Variants in ALCAM observed in about 807,000 individuals in gnomAD.
ALCAM encodes the protein CD166 antigen.
In ALCAM, 30 loss-of-function variants were observed where a neutral mutation model predicts 70.9. The observed-to-expected ratio is 0.42, with a 90% CI of 0.32 to 0.57. The LOEUF is 0.57. Among genes scored for constraint, ALCAM ranks in the 20% least tolerant of loss-of-function variants. The probability of loss-of-function intolerance (pLI) is 0.11; values close to 1 mark genes in which losing one functional copy is unlikely to be tolerated. For missense variants in ALCAM, 591 were observed against 695.1 expected, an observed-to-expected ratio of 0.85 and a Z score of 1.68; for synonymous variants, 249 against 242.5, an observed-to-expected ratio of 1.03 and a Z score of -0.25.
intron 1 of ALCAM, among the ~76,000 whole-genome samples, chr3:105,451,641 G>A (rs1937431449): frequency 6.6e-6 from 1 of 152,070 alleles, no homozygotes; most frequent in African/African-American, 2.4e-5. Flanking sequence ...AATGCTAAGA[G>A]GTTCAATTTG....
At chr3:105,425,826 T>C (rs1936776672) in intron 1 of ALCAM, among the ~76,000 whole-genome samples, 1 of 151,506 alleles carries the variant, frequency 6.6e-6, no homozygotes, top group Non-Finnish European at 1.5e-5. Flanking sequence ...CACATGATCA[T>C]TAAAAGGGCA....
intron 9 of ALCAM, 95 bp downstream of exon 9, chr3:105,545,430 G>T (rs746309961): frequency 2.5e-6 from 2 of 808,936 alleles, no homozygotes; most frequent in Non-Finnish European, 2.1e-6. Flanking sequence ...GTATATTCAT[G>T]GATGTGTTTA....
chr3:105,532,217 A>G, intron 4 of ALCAM, 151 bp downstream of exon 4: 1 of 677,870 alleles, frequency 1.5e-6, no homozygotes, highest in East Asian at 2.7e-5. Flanking sequence ...CAAGGCACAG[A>G]GGGTACAACA....
chr3:105,414,449 T>C (rs1423844826), intron 1 of ALCAM, among the ~76,000 whole-genome samples: 2 of 151,732 alleles, frequency 1.3e-5, no homozygotes, highest in African/African-American at 4.8e-5. Context: ...TACTGTGAGA[T>C]AGAATAGGAA....
In ALCAM at chr3:105,547,299, G is replaced by A. The variant is rs1576234992; in HGVS notation, c.1240+15G>A. 6.3e-7 allele frequency: 1 copy of A among 1,582,878 alleles called. No homozygotes were observed. The highest frequency in any genetic ancestry group is 8.6e-7 in the Non-Finnish European group (1 of 1,166,428). Reference sequence around the variant, plus strand: ...CATTGTAGAAGGTAATAAAATACTTGGGCACTAATTCAAATTGTTCTTTGA... The same window carrying A: ...CATTGTAGAAGGTAATAAAATACTTAGGCACTAATTCAAATTGTTCTTTGA... On this transcript the variant is annotated intron_variant, in intron 10 of 15. Coordinates refer to ENST00000306107, the MANE Select transcript of ALCAM (RefSeq NM_001627.4).
chr3:105,445,585 C>T (rs937602059), intron 1 of ALCAM, among the ~76,000 whole-genome samples: 4 of 152,102 alleles, frequency 2.6e-5, no homozygotes, highest in Non-Finnish European at 5.9e-5. Context: ...AAATACACTA[C>T]AAAGCTAATA....
At chr3:105,457,864 C>T (rs1937554256) in intron 1 of ALCAM, among the ~76,000 whole-genome samples, 1 of 152,132 alleles carries the variant, frequency 6.6e-6, no homozygotes, top group South Asian at 2.1e-4. Context: ...TGTCCTTCCA[C>T]CACTCTCCAC....
intron 1 of ALCAM, among the ~76,000 whole-genome samples, chr3:105,461,511 G>A (rs934064582): frequency 3.3e-5 from 5 of 151,744 alleles, no homozygotes; most frequent in Non-Finnish European, 7.4e-5. Context: ...AAGTGTCAAT[G>A]GATAAACTTG....
At position 105,571,789 on chromosome 3, in the gene ALCAM, A is replaced by C. The variant is rs1576248853; in HGVS notation, c.1665-63A>C. On this transcript the variant is annotated intron_variant, in intron 14 of 15. Coordinates refer to ENST00000306107, the MANE Select transcript of ALCAM (RefSeq NM_001627.4). ...AAGACACATTAATTCAAATCTTAAA[A>C]TTAAATATAAAAGTTGAACATGTAT... is the stretch of plus-strand genomic sequence containing the variant. 4 of 1,238,144 alleles carry C rather than the reference A, an allele frequency of 3.2e-6. No individual in the cohort carries two copies. In the East Asian group the frequency reaches 9.6e-5, roughly 30 times the overall value. 76.7% of individuals were successfully genotyped at this position (1,238,144 alleles called of 1,614,324 possible).
intron 1 of ALCAM, among the ~76,000 whole-genome samples, chr3:105,433,409 C>A (rs1936981865): frequency 6.6e-6 from 1 of 152,162 alleles, no homozygotes; most frequent in Non-Finnish European, 1.5e-5. Context: ...TCACTAAATT[C>A]TTCCTTTACT....
At chr3:105,561,934 A>C (rs1340488792) in intron 14 of ALCAM, among the ~76,000 whole-genome samples, 1 of 152,172 alleles carries the variant, frequency 6.6e-6, no homozygotes, top group African/African-American at 2.4e-5. Context: ...GGCTCACCCA[A>C]ACTTTAGTGT....
At chr3:105,404,269 T>C (rs1435959469) in intron 1 of ALCAM, among the ~76,000 whole-genome samples, 2 of 152,100 alleles carry the variant, frequency 1.3e-5, no homozygotes, top group African/African-American at 4.8e-5. Flanking sequence ...AAAAGATCAT[T>C]GACTAGGCAT....
At chr3:105,417,245 A>G (rs1352552349) in intron 1 of ALCAM, among the ~76,000 whole-genome samples, 1 of 151,672 alleles carries the variant, frequency 6.6e-6, no homozygotes, top group Non-Finnish European at 1.5e-5. Context: ...AGCTTTCCTG[A>G]TATCTTTCCA....
At chr3:105,530,528 GT>G (rs1939813471) in intron 3 of ALCAM, among the ~76,000 whole-genome samples, 1 of 151,752 alleles carries the variant, frequency 6.6e-6, no homozygotes, top group Non-Finnish European at 1.5e-5. Context: ...AATTTTCTCT[GT>G]TGTGTCTTCC....
intron 1 of ALCAM, among the ~76,000 whole-genome samples, chr3:105,452,056 C>T (rs948166500): frequency 1.3e-5 from 2 of 151,980 alleles, no homozygotes; most frequent in Admixed American, 6.6e-5. Context: ...AGCAAGATTT[C>T]TCCCTTCCAG....
intron 1 of ALCAM, among the ~76,000 whole-genome samples, chr3:105,413,435 C>T (rs991552002): frequency 2.0e-5 from 3 of 152,080 alleles, no homozygotes. Context: ...CTTCTCTCTA[C>T]ACATTTGCAC....
intron 1 of ALCAM, among the ~76,000 whole-genome samples, chr3:105,472,678 C>G (rs541742314): frequency 6.6e-6 from 1 of 151,498 alleles, no homozygotes; most frequent in Admixed American, 6.6e-5. Flanking sequence ...AGGCAAGGAA[C>G]ATTCTTGTAC....
chr3:105,518,511 T>C (rs775938755), intron 1 of ALCAM, among the ~76,000 whole-genome samples: 1 of 152,118 alleles, frequency 6.6e-6, no homozygotes, highest in Non-Finnish European at 1.5e-5. Context: ...CTAAATGTTA[T>C]TAGTCTGCAT....
chr3:105,540,074 C>A lies in ALCAM; in HGVS notation c.830C>A (p.Pro277His). The change falls in exon 7 of 16, where the codon CCC becomes CAC. Residue 277 changes from proline (P) to histidine (H), a missense_variant. Pro to His is a moderately conservative substitution (Grantham distance 77, BLOSUM62 -2). Transcript: ENST00000306107. ...TLKCLGNGNP[P>H]PEEFLFYLPG... ...AAATGCTTAGGGAATGGCAACCCTC[C>A]CCCAGAGGAATTTTTGTTTTACTTA... The A allele has an allele frequency of 6.2e-7, 1 of 1,611,850 alleles. No homozygotes were observed. The highest frequency in any genetic ancestry group is 8.5e-7 in the Non-Finnish European group (1 of 1,178,508).
Sources: gnomAD v4.1 joint callset for allele counts (sites outside exome capture counted in the v4.1 genomes callset) on GRCh38, gnomAD v4.1.1 for gene constraint, MANE v1.5 for transcripts, NCBI Gene and HGNC (gene_info 2026-07-23, HGNC 2026-07-21) for gene names.